Variants in MAPRE2 observed in about 807,000 individuals in gnomAD.
MAPRE2 encodes the protein microtubule-associated protein RP/EB family member 2.
MAPRE2 carries 13 observed loss-of-function variants against 43.2 expected under a neutral mutation model. That is an observed-to-expected ratio of 0.30 (90% CI 0.20 to 0.48). The LOEUF is 0.48. MAPRE2 is among the 20% of genes least tolerant of loss of function. MAPRE2 has a pLI of 0.99. For missense variants in MAPRE2, 161 were observed against 400.2 expected, an observed-to-expected ratio of 0.40 and a Z score of 5.10; for synonymous variants, 135 against 148.8, an observed-to-expected ratio of 0.91 and a Z score of 0.68.
chr18:35,130,013 A>G (rs1441552745), intron 5 of MAPRE2, among the ~76,000 whole-genome samples: 2 of 152,212 alleles, frequency 1.3e-5, no homozygotes, highest in African/African-American at 2.4e-5. Context: ...CATGTGGAAT[A>G]TCACTGAAGC....
At chr18:35,000,584 T>C (rs1415461497) in intron 1 of MAPRE2, among the ~76,000 whole-genome samples, 1 of 152,156 alleles carries the variant, frequency 6.6e-6, no homozygotes, top group Non-Finnish European at 1.5e-5. Context: ...TTGACATTTC[T>C]AGAGGATGGG....
chr18:34,977,678 C>T (rs1166201964), intron 1 of MAPRE2, among the ~76,000 whole-genome samples: 2 of 151,986 alleles, frequency 1.3e-5, no homozygotes, highest in Non-Finnish European at 2.9e-5. Flanking sequence ...ACCATCCGCG[C>T]TCCCGGGACT....
chr18:35,117,707 G>C (rs554562455), intron 4 of MAPRE2, among the ~76,000 whole-genome samples: 1 of 152,228 alleles, frequency 6.6e-6, no homozygotes, highest in Non-Finnish European at 1.5e-5. Flanking sequence ...TCACTGGGGT[G>C]AGTGAGCCTC....
chr18:35,047,029 G>C (rs1277250687), intron 1 of MAPRE2, among the ~76,000 whole-genome samples: 1 of 152,178 alleles, frequency 6.6e-6, no homozygotes, highest in Non-Finnish European at 1.5e-5. Context: ...AAGTTCCGAT[G>C]TGGCTGATGA....
intron 1 of MAPRE2, among the ~76,000 whole-genome samples, chr18:35,055,537 CTG>C (rs34194364): frequency 1.3e-3 from 192 of 146,532 alleles, no homozygotes; most frequent in South Asian, 5.0e-3. Flanking sequence ...ATTCAGTTCT[CTG>C]TGTGTGTGTG....
At position 35,132,001 on chromosome 18, in the gene MAPRE2, G is replaced by GTT. The variant is rs3837890; in HGVS notation, c.751-24_751-23dup. ...CATGTCTTATACTATATTTTGGGTGGTTTTTTTTCTTCACTCTCACTCCCT... is the reference window on the plus strand; with the variant it reads ...CATGTCTTATACTATATTTTGGGTGGTTTTTTTTTTCTTCACTCTCACTCCCT... On this transcript the variant is annotated intron_variant, in intron 5 of 6. Transcript: ENST00000300249. 1,772 of 1,606,332 alleles carry GTT rather than the reference G, an allele frequency of 1.1e-3. 16 individuals are homozygous for GTT. In the South Asian group the frequency reaches 0.013, roughly 12 times the overall value.
chr18:34,978,431 G>T lies in MAPRE2; in HGVS notation c.-70+1352G>T. Reference sequence around the variant, plus strand: ...GGTCCCAGCTGGGGTGAAGTGTGCAGACCGGTTGCGATTGTGGTCAGACGC... The same window carrying T: ...GGTCCCAGCTGGGGTGAAGTGTGCATACCGGTTGCGATTGTGGTCAGACGC... On this transcript the variant is annotated intron_variant, in intron 1 of 7. Transcript: ENST00000413393. The T allele has an allele frequency of 2.4e-6, 3 of 1,245,538 alleles. No individual in the cohort carries two copies. In the South Asian group the frequency reaches 3.9e-5, roughly 16 times the overall value. The allele number at this position is 1,245,538 out of a possible 1,614,324, so 77.2% of individuals were successfully genotyped here. A position where few individuals can be genotyped will look rare whatever the true frequency, so the allele number is the denominator to read the frequency against.
At chr18:35,082,528 T>C (rs1458115495) in intron 2 of MAPRE2, among the ~76,000 whole-genome samples, 2 of 152,082 alleles carry the variant, frequency 1.3e-5, no homozygotes, top group Non-Finnish European at 2.9e-5. Context: ...GTTTCACTTA[T>C]ATGCCCTGAT....
intron 2 of MAPRE2, among the ~76,000 whole-genome samples, chr18:35,010,013 T>C (rs1425317471): frequency 1.3e-5 from 2 of 152,126 alleles, no homozygotes; most frequent in Admixed American, 6.6e-5. Flanking sequence ...AACCTAAGCA[T>C]CCCTTGTATA....
At chr18:35,076,303 A>G (rs1158242832) in intron 2 of MAPRE2, among the ~76,000 whole-genome samples, 1 of 150,626 alleles carries the variant, frequency 6.6e-6, no homozygotes, top group Non-Finnish European at 1.5e-5. Context: ...CCTACAAAAG[A>G]CCAGAGACCA....
At chr18:35,004,713 C>T (rs1460071208) in intron 1 of MAPRE2, among the ~76,000 whole-genome samples, 5 of 152,124 alleles carry the variant, frequency 3.3e-5, no homozygotes, top group East Asian at 3.9e-4. Context: ...GTCAGGAGAT[C>T]GAGACCACCC....
At chr18:35,068,787 GAAGCAGGCAGTCAGAGGT>G (rs1172060505) in intron 1 of MAPRE2, among the ~76,000 whole-genome samples, 1 of 152,188 alleles carries the variant, frequency 6.6e-6, no homozygotes, top group Non-Finnish European at 1.5e-5. Context: ...CAATATCATG[GAAGCAGGCAGTCAGAGGT>G]AATAGTTATC....
intron 2 of MAPRE2, among the ~76,000 whole-genome samples, chr18:35,083,285 AGT>A (rs1907727790): frequency 6.6e-6 from 1 of 152,210 alleles, no homozygotes; most frequent in Non-Finnish European, 1.5e-5. Context: ...AGAATACGTG[AGT>A]GCACATGTGG....
At chr18:35,109,311 T>G (rs1909060869) in intron 4 of MAPRE2, among the ~76,000 whole-genome samples, 1 of 152,138 alleles carries the variant, frequency 6.6e-6, no homozygotes, top group Admixed American at 6.5e-5. Context: ...GCTCCATTGG[T>G]CTATATATCT....
intron 4 of MAPRE2, among the ~76,000 whole-genome samples, chr18:35,111,635 A>C (rs1403786814): frequency 1.3e-5 from 2 of 152,216 alleles, no homozygotes; most frequent in African/African-American, 4.8e-5. Context: ...ACTCCCATTC[A>C]AGGGGATCTT....
At chr18:35,062,421 A>G (rs978127132) in intron 1 of MAPRE2, among the ~76,000 whole-genome samples, 2 of 152,256 alleles carry the variant, frequency 1.3e-5, no homozygotes, top group African/African-American at 2.4e-5. Flanking sequence ...CAAAACGGCT[A>G]TTTCTGTTAG....
At chr18:34,980,732 T>C (rs985017802) in intron 1 of MAPRE2, among the ~76,000 whole-genome samples, 1 of 152,182 alleles carries the variant, frequency 6.6e-6, no homozygotes, top group African/African-American at 2.4e-5. Context: ...GTTATCACAT[T>C]TAACCACACT....
chr18:35,056,509 C>T (rs977937081), intron 1 of MAPRE2, among the ~76,000 whole-genome samples: 1 of 152,106 alleles, frequency 6.6e-6, no homozygotes, highest in Non-Finnish European at 1.5e-5. Flanking sequence ...AAGTCTCTAA[C>T]CCTAGGAACC....
At chr18:35,111,579 G>A (rs1020665339) in intron 4 of MAPRE2, among the ~76,000 whole-genome samples, 8 of 152,186 alleles carry the variant, frequency 5.3e-5, no homozygotes, top group Admixed American at 4.6e-4. Flanking sequence ...GAGTTAACAG[G>A]CACTTAACTC....
Sources: allele counts gnomAD v4.1 joint callset (sites outside exome capture counted in the v4.1 genomes callset), GRCh38; gene constraint gnomAD v4.1.1; transcripts MANE v1.5; gene names NCBI Gene and HGNC (gene_info 2026-07-23, HGNC 2026-07-21).